The following NPAS3 variants were observed in gnomAD, a reference collection of about 807,000 sequenced individuals.
NPAS3 encodes the protein neuronal PAS domain-containing protein 3.
NPAS3 carries 14 observed loss-of-function variants against 73.1 expected under a neutral mutation model. The ratio of observed to expected loss-of-function variants is 0.19; its 90% CI spans 0.13 to 0.30. NPAS3 has a LOEUF of 0.30. NPAS3 is among the 10% of genes least tolerant of loss of function. The probability of loss-of-function intolerance (pLI) is 1.00; values close to 1 mark genes in which losing one functional copy is unlikely to be tolerated. For synonymous variants in NPAS3, 620 were observed against 541.5 expected, an observed-to-expected ratio of 1.14 and a Z score of -2.01; for missense variants, 1,096 against 1,250.0, an observed-to-expected ratio of 0.88 and a Z score of 1.86.
At chr14:33,728,911 T>C (rs895540866) in intron 6 of NPAS3, among the ~76,000 whole-genome samples, 55 of 152,120 alleles carry the variant, frequency 3.6e-4, no homozygotes, top group African/African-American at 1.3e-3. Flanking sequence ...TCTTGGGACA[T>C]GATATTGTTT....
intron 1 of NPAS3, among the ~76,000 whole-genome samples, chr14:32,981,720 C>T (rs2037904134): frequency 6.6e-6 from 1 of 152,138 alleles, no homozygotes; most frequent in African/African-American, 2.4e-5. Context: ...CTTACGGCAG[C>T]ACAAGTCCTG....
At chr14:33,588,531 T>G (rs945628246) in intron 5 of NPAS3, among the ~76,000 whole-genome samples, 8 of 152,154 alleles carry the variant, frequency 5.3e-5, no homozygotes, top group Non-Finnish European at 8.8e-5. Flanking sequence ...TTCTTTTTGC[T>G]TCTTAATTCC....
intron 2 of NPAS3, among the ~76,000 whole-genome samples, chr14:33,059,167 C>T (rs2040998289): frequency 6.6e-6 from 1 of 152,176 alleles, no homozygotes; most frequent in Non-Finnish European, 1.5e-5. Context: ...CATGTACCAG[C>T]ATGTCATTGC....
chr14:33,236,240 G>T (rs2048029598), intron 3 of NPAS3, among the ~76,000 whole-genome samples: 1 of 152,012 alleles, frequency 6.6e-6, no homozygotes, highest in Non-Finnish European at 1.5e-5. Flanking sequence ...TGAAGCTGAA[G>T]CTCTCTTCCT....
intron 2 of NPAS3, among the ~76,000 whole-genome samples, chr14:33,083,929 A>T (rs933869267): frequency 6.6e-6 from 1 of 152,194 alleles, no homozygotes; most frequent in African/African-American, 2.4e-5. Flanking sequence ...TGGAGTTAAT[A>T]CTATCATTTC....
chr14:33,031,583 C>T (rs1051557065), intron 1 of NPAS3, among the ~76,000 whole-genome samples: 1 of 152,166 alleles, frequency 6.6e-6, no homozygotes, highest in African/African-American at 2.4e-5. Context: ...GCTTCCACCT[C>T]CCAGGCCCAA....
chr14:33,490,644 A>C (rs530219443), intron 4 of NPAS3, among the ~76,000 whole-genome samples: 1 of 152,304 alleles, frequency 6.6e-6, no homozygotes, highest in Admixed American at 6.5e-5. Flanking sequence ...ATGGAAGGGC[A>C]TGCACATGAA....
chr14:33,544,207 A>G lies in NPAS3; in HGVS notation c.469-15914A>G, dbSNP rs8022784. On this transcript the variant is annotated intron_variant, in intron 4 of 11. Coordinates refer to ENST00000356141, the Ensembl canonical transcript of NPAS3. ...ACCCAGGCTGAAGTGCCGTGGCACC[A>G]TCATAGCTTGCTGCAGCCTTGAACT... Among the ~76,000 whole-genome samples, 117 of 152,086 alleles carry G rather than the reference A, an allele frequency of 7.7e-4. 1 individual carries two copies. Among genetic ancestry groups the G allele is most frequent in the Non-Finnish European group, 1.4e-3 (96 of 67,982 alleles).
intron 2 of NPAS3, among the ~76,000 whole-genome samples, chr14:33,205,972 T>C (rs2046806751): frequency 6.6e-6 from 1 of 152,184 alleles, no homozygotes; most frequent in Non-Finnish European, 1.5e-5. Context: ...CAAAGCAATT[T>C]AGTTTGGGAC....
chr14:33,268,885 A>G (rs2140000589), intron 3 of NPAS3, among the ~76,000 whole-genome samples: 1 of 152,296 alleles, frequency 6.6e-6, no homozygotes, highest in East Asian at 1.9e-4. Flanking sequence ...ACAGAGGAGG[A>G]AGGCAGTCCT....
At chr14:33,607,220 A>G (rs1366647223) in intron 5 of NPAS3, among the ~76,000 whole-genome samples, 1 of 152,244 alleles carries the variant, frequency 6.6e-6, no homozygotes, top group African/African-American at 2.4e-5. Flanking sequence ...TTGCCAATGA[A>G]TGTTCACAGT....
At chr14:32,967,011 T>C (rs2037202367) in intron 1 of NPAS3, among the ~76,000 whole-genome samples, 2 of 152,108 alleles carry the variant, frequency 1.3e-5, no homozygotes, top group Admixed American at 6.5e-5. Context: ...GGAGAAGATA[T>C]TCACTACTAT....
chr14:33,697,304 T>C (rs1480440337), intron 6 of NPAS3, among the ~76,000 whole-genome samples: 4 of 152,202 alleles, frequency 2.6e-5, no homozygotes, highest in African/African-American at 9.7e-5. Flanking sequence ...CCAGGCAGCT[T>C]GGACTCACAC....
chr14:33,563,843 A>G (rs1436908189), intron 5 of NPAS3, among the ~76,000 whole-genome samples: 1 of 152,166 alleles, frequency 6.6e-6, no homozygotes, highest in Non-Finnish European at 1.5e-5. Flanking sequence ...AAGAAAACAG[A>G]ATGGGTTCCC....
At chr14:33,574,352 G>C (rs1478391402) in intron 5 of NPAS3, among the ~76,000 whole-genome samples, 1 of 152,080 alleles carries the variant, frequency 6.6e-6, no homozygotes, top group African/African-American at 2.4e-5. Context: ...CAAAGAAAAA[G>C]CCTTTCAGAA....
Position 33,205,022 on chromosome 14 carries a change from T to C in NPAS3, c.141-10160T>C, listed in dbSNP as rs143455039. 6.7e-3 allele frequency among the ~76,000 whole-genome samples: 1,015 copies of C among 152,326 alleles called. 16 individuals carry two copies. Among genetic ancestry groups the C allele is most frequent in the Non-Finnish European group, 8.0e-3 (541 of 68,026 alleles). On this transcript the variant is annotated intron_variant, in intron 2 of 11. Coordinates refer to ENST00000356141, the Ensembl canonical transcript of NPAS3. ...TTTCATTTTTTCAGAAAGTAACTTT[T>C]ATATTAAAAAGTTTACTGAAGAGAG...
chr14:33,506,353 T>C (rs549043674), intron 4 of NPAS3, among the ~76,000 whole-genome samples: 2 of 151,616 alleles, frequency 1.3e-5, no homozygotes, highest in East Asian at 3.9e-4. Context: ...GGTATATAAA[T>C]ATATGACTTT....
chr14:33,157,263 G>A (rs780081816), intron 2 of NPAS3, among the ~76,000 whole-genome samples: 5 of 152,160 alleles, frequency 3.3e-5, no homozygotes, highest in Non-Finnish European at 4.4e-5. Context: ...ATATTTTGCA[G>A]GTTACTTACA....
At chr14:33,339,023 CATATT>C (rs2044353862) in intron 3 of NPAS3, among the ~76,000 whole-genome samples, 1 of 152,066 alleles carries the variant, frequency 6.6e-6, no homozygotes, top group Non-Finnish European at 1.5e-5. Context: ...GATTTTGTGC[CATATT>C]ATATTTTGTG....
Sources: allele counts gnomAD v4.1 joint callset (sites outside exome capture counted in the v4.1 genomes callset), GRCh38; gene constraint gnomAD v4.1.1; transcripts MANE v1.5; gene names NCBI Gene and HGNC (gene_info 2026-07-23, HGNC 2026-07-21).